The following COL9A1 variants were observed in gnomAD, a reference collection of about 807,000 sequenced individuals.
COL9A1 encodes collagen type IX alpha 1 chain.
Under a neutral mutation model 142.6 loss-of-function variants are expected in COL9A1, and 104 were observed. The observed-to-expected ratio is 0.73, with a 90% confidence interval of 0.62 to 0.86. COL9A1 has a LOEUF of 0.86. COL9A1 is among the 40% of genes least tolerant of loss of function. The pLI is 0.00. For missense variants in COL9A1, 1,210 were observed against 1,176.6 expected (o/e 1.03, Z -0.42); for synonymous variants, 466 against 396.0 (o/e 1.18, Z -2.10).
intron 10 of COL9A1, chr6:70,275,256 T>C (rs1296723228): frequency 6.4e-6 from 1 of 156,870 alleles, no homozygotes; most frequent in African/African-American, 2.4e-5. Flanking sequence ...ATTTCCTCAA[T>C]AAGAATTAAA....
intron 33 of COL9A1, among the ~76,000 whole-genome samples, chr6:70,238,816 A>G (rs1273728110): frequency 1.6e-4 from 24 of 152,238 alleles, no homozygotes; most frequent in Admixed American, 1.6e-3. Flanking sequence ...AAATTTAGAC[A>G]TTTATTTCCA....
intron 21 of COL9A1, among the ~76,000 whole-genome samples, chr6:70,256,147 C>G (rs1013775493): frequency 1.3e-5 from 2 of 152,192 alleles, no homozygotes; most frequent in Non-Finnish European, 2.9e-5. Context: ...CCAACCTCCC[C>G]CTCAGGTCCT....
intron 37 of COL9A1, among the ~76,000 whole-genome samples, chr6:70,218,694 T>TA (rs1482031568): frequency 5.3e-5 from 8 of 152,216 alleles, no homozygotes; most frequent in Non-Finnish European, 1.2e-4. Context: ...GTTGTCTTTT[T>TA]ATATGTCTTT....
intron 17 of COL9A1, among the ~76,000 whole-genome samples, chr6:70,267,327 G>GTTTTTTGTTTT (rs1554241917): frequency 1.3e-4 from 16 of 127,060 alleles, no homozygotes; most frequent in Admixed American, 3.1e-4. Context: ...TGGTTTTTTT[G>GTTTTTTGTTTT]TTTTTTTTTT....
At chr6:70,215,700 GT>G (rs1768458193), downstream of COL9A1, 1 of 152,166 alleles carries the variant, frequency 6.6e-6, no homozygotes, top group African/African-American at 2.4e-5. Context: ...CATAAATCAT[GT>G]TTACAATAAA....
At chr6:70,301,947 T>C in intron 2 of COL9A1, 54 bp downstream of exon 2, 1 of 1,418,360 alleles carries the variant, frequency 7.1e-7, no homozygotes, top group Non-Finnish European at 9.8e-7. Flanking sequence ...CAGCCCTGCC[T>C]GATCATTTCT....
intron 29 of COL9A1, 133 bp downstream of exon 29, chr6:70,242,529 A>G (rs778068711): frequency 8.4e-6 from 7 of 836,510 alleles, no homozygotes; most frequent in Admixed American, 2.0e-5. Context: ...TCCCCTTTAC[A>G]TTGTTCTCAT....
intron 36 of COL9A1, among the ~76,000 whole-genome samples, chr6:70,231,164 A>C (rs962424854): frequency 6.6e-6 from 1 of 152,078 alleles, no homozygotes; most frequent in Admixed American, 6.5e-5. Flanking sequence ...GTCCCTGGTG[A>C]CTCCGCTGCT....
chr6:70,241,518 C>T (rs539673657), intron 30 of COL9A1, 64 bp from the exon 31 acceptor site: 6 of 1,386,652 alleles, frequency 4.3e-6, no homozygotes, highest in East Asian at 4.7e-5. Flanking sequence ...TTCAAGTGAA[C>T]CTTATTGGGT....
intron 4 of COL9A1, among the ~76,000 whole-genome samples, chr6:70,299,228 A>G (rs1004305991): frequency 5.3e-5 from 8 of 152,130 alleles, no homozygotes; most frequent in African/African-American, 1.4e-4. Flanking sequence ...TTTTATATAC[A>G]TTGAGTTTCT....
At chr6:70,255,717 T>A (rs1288262737) in intron 21 of COL9A1, among the ~76,000 whole-genome samples, 1 of 152,230 alleles carries the variant, frequency 6.6e-6, no homozygotes, top group East Asian at 1.9e-4. Context: ...GCTAACTTCA[T>A]TGACTGTTAT....
In COL9A1 at chr6:70,240,739, A is replaced by T. The variant is rs1770205046; in HGVS notation, c.2035-6T>A. ...CCTTCTTCACCAGAGGCACCCTAAA[A>T]ATTAAGATAAAAGGTTACATTTTAA... On this transcript the variant is annotated splice_polypyrimidine_tract_variant and splice_region_variant and intron_variant, in intron 31 of 37. Coordinates refer to ENST00000357250, the MANE Select transcript of COL9A1 (RefSeq NM_001851.6). The T allele has an allele frequency of 6.2e-7, 1 of 1,611,156 alleles. No individual in the cohort carries two copies. Among genetic ancestry groups the T allele is most frequent in the Admixed American group, 1.7e-5 (1 of 60,000 alleles).
chr6:70,271,581 G>A (rs1772403673), intron 14 of COL9A1, 74 bp downstream of exon 14: 1 of 1,322,310 alleles, frequency 7.6e-7, no homozygotes, highest in Non-Finnish European at 1.1e-6. Context: ...TGTACAGTTA[G>A]GGTAATTTGC....
chr6:70,272,135 G>A, intron 12 of COL9A1, 47 bp from the exon 13 acceptor site: 1 of 1,477,972 alleles, frequency 6.8e-7, no homozygotes. Context: ...TTTATACTTA[G>A]TATAAATATG....
At chr6:70,274,621 A>T in intron 11 of COL9A1, 98 bp downstream of exon 11, 1 of 972,518 alleles carries the variant, frequency 1.0e-6, no homozygotes, top group Non-Finnish European at 1.6e-6. Context: ...TGCATTTTAG[A>T]TACTTCATAA....
rs551675225 is a variant in COL9A1, at chr6:70,240,401, C to G, written c.2079+288G>C. Among the ~76,000 whole-genome samples, 213 of 152,210 alleles carry G rather than the reference C, an allele frequency of 1.4e-3. 2 individuals are homozygous for G. The highest frequency in any genetic ancestry group is 2.6e-3 in the Non-Finnish European group (178 of 68,010). ...CATAAAGCCACAGAGGATTCACCAT[C>G]TGTAAGAGTACAATTTTATTCTCCA... On this transcript the variant is annotated intron_variant, in intron 32 of 37. Transcript: ENST00000357250.
chr6:70,254,381 G>C lies in COL9A1; in HGVS notation c.1719+95C>G, dbSNP rs893847897. On this transcript the variant is annotated intron_variant, in intron 25 of 37. Coordinates refer to ENST00000357250, the MANE Select transcript of COL9A1 (RefSeq NM_001851.6). ...AAAGTAAAACATCATATCTTCCCCAGAACTTATCAGATTAGGTAGCATGTC... is the reference window on the plus strand; with the variant it reads ...AAAGTAAAACATCATATCTTCCCCACAACTTATCAGATTAGGTAGCATGTC... The C allele has an allele frequency of 2.7e-6, 3 of 1,103,666 alleles. No homozygotes were observed. The Admixed American group carries it at 5.3e-5, about 19-fold the overall frequency. The allele number at this position is 1,103,666 out of a possible 1,614,324, so 68.4% of individuals were successfully genotyped here.
Position 70,276,176 on chromosome 6 carries a change from G to C in COL9A1, c.976-1404C>G, listed in dbSNP as rs546791171. Among the ~76,000 whole-genome samples, 6 of 152,208 alleles carry C rather than the reference G, an allele frequency of 3.9e-5. No individual in the cohort carries two copies. The East Asian group carries it at 1.2e-3, about 29-fold the overall frequency. ...TAGTCTAATTACAACACCGTAATTT[G>C]GGAACAAACCTCAACATGATTAGTT... On this transcript the variant is annotated intron_variant, in intron 10 of 37. Transcript: ENST00000357250.
chr6:70,281,021 C>G lies in COL9A1; in HGVS notation c.895G>C (p.Gly299Arg). Reference sequence around the variant, plus strand: ...CAACTTACCGGGGGGCCCGGGGGGCCCTTAGGACCTCGGTCACCCTGGAGG... The same window carrying G: ...CAACTTACCGGGGGGCCCGGGGGGCGCTTAGGACCTCGGTCACCCTGGAGG... ...DGIDGDRGPK[G>R]PPGPPGPAGE... Residue 299 changes from glycine (G) to arginine (R), a missense_variant, in exon 9 of 38, where the codon GGC becomes CGC. Gly to Arg is a moderately radical substitution (Grantham distance 125). Transcript: ENST00000357250. 1 of 1,613,146 alleles carries G rather than the reference C, an allele frequency of 6.2e-7. No homozygotes were observed. The highest frequency in any genetic ancestry group is 8.5e-7 in the Non-Finnish European group (1 of 1,179,766).
Sources: allele counts gnomAD v4.1 joint callset (sites outside exome capture counted in the v4.1 genomes callset), GRCh38; gene constraint gnomAD v4.1.1; transcripts MANE v1.5; gene names NCBI Gene and HGNC (gene_info 2026-07-23, HGNC 2026-07-21).